EPB41: variants seen among roughly 807,000 people sequenced by gnomAD.
EPB41 encodes the protein protein 4.1.
A neutral mutation model predicts 108.0 loss-of-function variants in EPB41; 65 were observed. The observed-to-expected ratio is 0.60, with a 90% CI of 0.49 to 0.74. EPB41 has a LOEUF of 0.74. EPB41 is among the 30% of genes least tolerant of loss of function. The pLI is 0.00. For missense variants in EPB41, 875 were observed against 1,037.0 expected, an observed-to-expected ratio of 0.84 and a Z score of 2.15; for synonymous variants, 336 against 358.9, an observed-to-expected ratio of 0.94 and a Z score of 0.72.
intron 1 of EPB41, among the ~76,000 whole-genome samples, chr1:28,934,971 C>T (rs938319520): frequency 2.6e-5 from 4 of 151,764 alleles, no homozygotes; most frequent in Non-Finnish European, 4.4e-5. Context: ...CAGAACTAGC[C>T]AGGGGTGGTG....
chr1:29,085,919 G>GA (rs1224201848), intron 16 of EPB41, among the ~76,000 whole-genome samples: 2 of 152,136 alleles, frequency 1.3e-5, no homozygotes, highest in East Asian at 3.8e-4. Flanking sequence ...TTATAAAAGA[G>GA]AACTTTTATA....
chr1:29,067,116 A>C (rs1248455657), intron 16 of EPB41, among the ~76,000 whole-genome samples: 5 of 150,800 alleles, frequency 3.3e-5, no homozygotes. Flanking sequence ...GCACTTTGGG[A>C]GGCTGAGGCG....
intron 1 of EPB41, among the ~76,000 whole-genome samples, chr1:28,924,668 A>C (rs2093338443): frequency 6.6e-6 from 1 of 152,264 alleles, no homozygotes; most frequent in South Asian, 2.1e-4. Flanking sequence ...ATTGTAAAGT[A>C]ATAGATAACT....
intron 12 of EPB41, among the ~76,000 whole-genome samples, chr1:29,055,578 C>T (rs1645210824): frequency 6.6e-6 from 1 of 151,700 alleles, no homozygotes; most frequent in Non-Finnish European, 1.5e-5. Context: ...CTGAAGGCCA[C>T]CTCTGATAAC....
chr1:28,940,441 C>T (rs887917185), intron 1 of EPB41, among the ~76,000 whole-genome samples: 6 of 152,112 alleles, frequency 3.9e-5, no homozygotes, highest in African/African-American at 1.2e-4. Flanking sequence ...CACCTGAGGA[C>T]GGGAGTTTGA....
rs2089627893 is a variant in EPB41, at chr1:28,887,859, T to G, written c.-8+649T>G. ...TCTGTCTGGGTCTCCCGGGTCTCTCTGTCCGGTTCAGGCTCAGGTTCCCTC... is the reference window on the plus strand; with the variant it reads ...TCTGTCTGGGTCTCCCGGGTCTCTCGGTCCGGTTCAGGCTCAGGTTCCCTC... On this transcript the variant is annotated intron_variant, in intron 1 of 16. Transcript: ENST00000347529. The surrounding 1 kb of genome is among the most constrained non-coding windows in gnomAD (Gnocchi z 4.9). 6.6e-6 allele frequency among the ~76,000 whole-genome samples: 1 copy of G among 152,260 alleles called. No homozygotes were observed. Among genetic ancestry groups the G allele is most frequent in the Admixed American group, 6.5e-5 (1 of 15,292 alleles).
At chr1:28,931,355 G>C (rs1310514809) in intron 1 of EPB41, among the ~76,000 whole-genome samples, 1 of 126,744 alleles carries the variant, frequency 7.9e-6, no homozygotes, top group Non-Finnish European at 1.6e-5. Context: ...CTTGGCAACA[G>C]AGTAAGACTC....
At chr1:29,046,583 C>T (rs575177238) in intron 11 of EPB41, among the ~76,000 whole-genome samples, 1 of 152,188 alleles carries the variant, frequency 6.6e-6, no homozygotes, top group East Asian at 1.9e-4. Context: ...CTGGCTAGAA[C>T]GTCCAATGTA....
At chr1:29,069,095 C>T in intron 16 of EPB41, 6 of 1,132,188 alleles carry the variant, frequency 5.3e-6, no homozygotes, top group Non-Finnish European at 6.7e-6. Context: ...TCTTCTCCCA[C>T]TTTATTTTCT....
chr1:29,049,953 G>C (rs1385279126), intron 11 of EPB41, among the ~76,000 whole-genome samples: 1 of 152,092 alleles, frequency 6.6e-6, no homozygotes, highest in Non-Finnish European at 1.5e-5. Context: ...ATACTAAAAA[G>C]CATTGAATTA....
intron 16 of EPB41, among the ~76,000 whole-genome samples, chr1:29,088,037 CTTTT>C (rs1456996173): frequency 7.2e-6 from 1 of 139,834 alleles, no homozygotes. Context: ...TTTCCTTTTT[CTTTT>C]TTTCTTTTTT....
intron 1 of EPB41, among the ~76,000 whole-genome samples, chr1:28,896,472 A>G (rs1188031579): frequency 6.6e-6 from 1 of 152,212 alleles, no homozygotes; most frequent in African/African-American, 2.4e-5. Flanking sequence ...TGGGGCCCAG[A>G]GATGAATCTG....
At chr1:29,102,475 A>G (rs1246138321) in intron 17 of EPB41, among the ~76,000 whole-genome samples, 1 of 152,154 alleles carries the variant, frequency 6.6e-6, no homozygotes, top group Non-Finnish European at 1.5e-5. Flanking sequence ...GATGAAGGAG[A>G]CTGAGACTGC....
Position 29,115,780 on chromosome 1 carries a change from G to T in EPB41, c.2578G>T (p.Glu860Ter). 1 of 1,613,996 alleles carries T rather than the reference G, an allele frequency of 6.2e-7. No individual in the cohort carries two copies. Among genetic ancestry groups the T allele is most frequent in the South Asian group, 1.1e-5 (1 of 91,082 alleles). ...CAAGGTGGTCGTCCACCAGGAGACC[G>T]AGATTGCTGATGAGTGAGCTCAGGT... is the stretch of plus-strand genomic sequence containing the variant. The part of the protein sequence containing the change: ...VTKVVVHQET[E>*]IADE Residue 860 changes from glutamate (E) to a stop codon, truncating the protein, a stop_gained, in exon 20 of 21, where the codon GAG becomes TAG. Transcript: ENST00000343067. LOFTEE classifies it high-confidence loss of function. This position sits in a 1 kb window ranked among gnomAD's most constrained non-coding sequence, Gnocchi z 4.4.
At chr1:29,051,772 C>T (rs1287024618) in intron 11 of EPB41, among the ~76,000 whole-genome samples, 2 of 151,990 alleles carry the variant, frequency 1.3e-5, no homozygotes, top group Non-Finnish European at 2.9e-5. Flanking sequence ...GTGGCATGTG[C>T]CTGTAGTCCC....
rs926264 is a variant in EPB41, at chr1:28,894,253, G to A, written c.-8+7043G>A. Among the ~76,000 whole-genome samples the A allele has an allele frequency of 3.0e-3, 450 of 152,282 alleles. 1 individual carries two copies. The highest frequency in any genetic ancestry group is 9.1e-3 in the African/African-American group (378 of 41,544). On this transcript the variant is annotated intron_variant, in intron 1 of 16. Transcript: ENST00000347529. Reference sequence around the variant, plus strand: ...GTTCACCAGGTGCTGTATCTTCAGCGCCTAGGGTATAGTAGCACGTAGTAG... The same window carrying A: ...GTTCACCAGGTGCTGTATCTTCAGCACCTAGGGTATAGTAGCACGTAGTAG...
intron 1 of EPB41, among the ~76,000 whole-genome samples, chr1:28,902,061 G>A (rs747654873): frequency 6.6e-6 from 1 of 152,218 alleles, no homozygotes; most frequent in Non-Finnish European, 1.5e-5. Context: ...CATAGGAAGT[G>A]CTCAGTAAAT....
intron 1 of EPB41, among the ~76,000 whole-genome samples, chr1:28,980,099 A>C (rs72874927): frequency 1.4e-3 from 218 of 152,258 alleles, no homozygotes; most frequent in African/African-American, 5.2e-3. Flanking sequence ...TTGGTAGGCC[A>C]AGACGGGAAG....
intron 1 of EPB41, 81 bp from the exon 2 acceptor site, chr1:28,987,350 A>G: frequency 1.7e-6 from 2 of 1,205,766 alleles, no homozygotes; most frequent in South Asian, 2.5e-5. Context: ...TAAGTATATT[A>G]ATTTTTTAGG....
Sources: gnomAD v4.1 joint callset for allele counts (sites outside exome capture counted in the v4.1 genomes callset) on GRCh38, gnomAD v4.1.1 for gene constraint, Gnocchi (gnomAD v3.1) non-coding constraint, MANE v1.5 for transcripts, NCBI Gene and HGNC (gene_info 2026-07-23, HGNC 2026-07-21) for gene names.